The following ELP3 variants were observed in gnomAD, a reference collection of about 807,000 sequenced individuals.
ELP3 encodes elongator acetyltransferase complex subunit 3.
A neutral mutation model predicts 74.9 loss-of-function variants in ELP3; 56 were observed. That is an observed-to-expected ratio of 0.75 (90% CI 0.60 to 0.93). The LOEUF (loss-of-function observed/expected upper bound fraction) is 0.93, where lower values mean the gene tolerates loss of function less well. Among genes scored for constraint, ELP3 ranks in the 40% least tolerant of loss-of-function variants. The pLI, the probability that ELP3 is intolerant of heterozygous loss-of-function variation, is 0.00. For missense variants in ELP3, 573 were observed against 686.5 expected (o/e 0.83, Z 1.85); for synonymous variants, 222 against 239.8 (o/e 0.93, Z 0.68).
At chr8:28,174,752 A>G (rs1162171381) in intron 14 of ELP3, among the ~76,000 whole-genome samples, 1 of 152,146 alleles carries the variant, frequency 6.6e-6, no homozygotes, top group Non-Finnish European at 1.5e-5. Flanking sequence ...ATTTCTTCAT[A>G]TGGTTCCAAG....
intron 3 of ELP3, among the ~76,000 whole-genome samples, chr8:28,103,558 T>G (rs754787988): frequency 6.6e-6 from 1 of 152,218 alleles, no homozygotes; most frequent in Non-Finnish European, 1.5e-5. Context: ...CTTGAGTAAC[T>G]GTCAACAAGT....
At chr8:28,128,032 A>AT (rs1345480034) in intron 7 of ELP3, among the ~76,000 whole-genome samples, 2 of 152,220 alleles carry the variant, frequency 1.3e-5, no homozygotes, top group Admixed American at 6.5e-5. Flanking sequence ...AAATTTTATG[A>AT]TTTTTACTTT....
rs1314570899 is a variant in ELP3, at chr8:28,191,022, ACT to A, written c.*1300_*1301del. The A allele has an allele frequency of 1.3e-5, 2 of 152,012 alleles. No individual in the cohort carries two copies. Among genetic ancestry groups the A allele is most frequent in the African/African-American group, 2.4e-5 (1 of 41,360 alleles). 9.4% of individuals were successfully genotyped at this position (152,012 alleles called of 1,614,324 possible). Reference sequence around the variant, plus strand: ...AATTTCGAGGTAATCTACTTTGGAGACTCTGCCTGGAGAGGGTCAGTTCCTAA... The same window carrying A: ...AATTTCGAGGTAATCTACTTTGGAGACTGCCTGGAGAGGGTCAGTTCCTAA... On this transcript the variant is annotated 3_prime_UTR_variant, in exon 15 of 15. Coordinates refer to ENST00000256398, the MANE Select transcript of ELP3 (RefSeq NM_018091.6).
intron 7 of ELP3, chr8:28,113,594 GA>G (rs1484171369): frequency 2.7e-5 from 4 of 150,390 alleles, no homozygotes; most frequent in African/African-American, 7.4e-5. Context: ...AACTGTTTAT[GA>G]TTGGGATCTT....
intron 12 of ELP3, among the ~76,000 whole-genome samples, chr8:28,159,364 A>G (rs1356954221): frequency 6.6e-6 from 1 of 152,206 alleles, no homozygotes; most frequent in African/African-American, 2.4e-5. Context: ...TTTGAGAGAA[A>G]AAGTAGACCC....
chr8:28,119,322 A>C (rs527939378), intron 7 of ELP3, among the ~76,000 whole-genome samples: 1 of 152,000 alleles, frequency 6.6e-6, no homozygotes, highest in Non-Finnish European at 1.5e-5. Flanking sequence ...TTTAGTGAGC[A>C]TCCACATACC....
At position 28,189,791 on chromosome 8, in the gene ELP3, A is replaced by C; in HGVS notation, c.*66A>C. On this transcript the variant is annotated 3_prime_UTR_variant, in exon 15 of 15. Transcript: ENST00000256398. ...AGAACACGGAGAATCAGGATTTCTTAAATACTCAACAGAGAGGCTGAGCAG... is the reference window on the plus strand; with the variant it reads ...AGAACACGGAGAATCAGGATTTCTTCAATACTCAACAGAGAGGCTGAGCAG... 1 of 1,531,822 alleles carries C rather than the reference A, an allele frequency of 6.5e-7. No individual in the cohort carries two copies. Among genetic ancestry groups the C allele is most frequent in the Non-Finnish European group, 9.0e-7 (1 of 1,106,356 alleles). The allele number at this position is 1,531,822 out of a possible 1,614,324, so 94.9% of individuals were successfully genotyped here. A position where few individuals can be genotyped will look rare whatever the true frequency, so the allele number is the denominator to read the frequency against.
chr8:28,173,330 G>C (rs901471282), intron 14 of ELP3, among the ~76,000 whole-genome samples: 3 of 151,876 alleles, frequency 2.0e-5, no homozygotes, highest in Admixed American at 6.6e-5. Flanking sequence ...CTTTGTTTAT[G>C]AGTCAGTTTT....
At position 28,093,150 on chromosome 8, in the gene ELP3, T is replaced by G; in HGVS notation, c.-65T>G. 6.3e-7 allele frequency: 1 copy of G among 1,598,402 alleles called. No individual in the cohort carries two copies. The highest frequency in any genetic ancestry group is 8.5e-7 in the Non-Finnish European group (1 of 1,174,178). On this transcript the variant is annotated 5_prime_UTR_variant, in exon 1 of 15. Coordinates refer to ENST00000256398, the MANE Select transcript of ELP3 (RefSeq NM_018091.6). ...CGGGATTGTTTTGTGGCTGTCAGCT[T>G]TCCCCGTGGTCTGAGTTTGTGGCTG...
intron 7 of ELP3, among the ~76,000 whole-genome samples, chr8:28,119,698 A>G (rs1036046983): frequency 6.7e-6 from 1 of 149,466 alleles, no homozygotes; most frequent in African/African-American, 2.5e-5. Flanking sequence ...ACAAAGTCCT[A>G]TTAAGATACA....
chr8:28,106,851 T>A, intron 4 of ELP3, 68 bp downstream of exon 4: 1 of 1,178,258 alleles, frequency 8.5e-7, no homozygotes. Flanking sequence ...CCTCTAGCCC[T>A]TAGTCAGTAC....
chr8:28,098,442 T>G (rs1265796193), intron 2 of ELP3, among the ~76,000 whole-genome samples: 1 of 152,220 alleles, frequency 6.6e-6, no homozygotes, highest in Non-Finnish European at 1.5e-5. Context: ...TTATTGTATT[T>G]TACTGATTTT....
At chr8:28,101,313 C>T (rs891187915) in intron 3 of ELP3, among the ~76,000 whole-genome samples, 2 of 151,566 alleles carry the variant, frequency 1.3e-5, no homozygotes, top group African/African-American at 4.8e-5. Context: ...CCAGCTACTC[C>T]AGAGGCTGAG....
intron 10 of ELP3, among the ~76,000 whole-genome samples, chr8:28,143,862 G>GA (rs1455697509): frequency 6.6e-6 from 1 of 152,096 alleles, no homozygotes; most frequent in Non-Finnish European, 1.5e-5. Context: ...GGAACAAGGG[G>GA]AAAATAAATA....
chr8:28,157,290 A>AC (rs1813867729), intron 11 of ELP3, among the ~76,000 whole-genome samples: 1 of 30,582 alleles, frequency 3.3e-5, no homozygotes, highest in Non-Finnish European at 5.5e-5. Flanking sequence ...AAAGCATGCC[A>AC]AAAAAAAAAA....
chr8:28,177,511 C>G (rs1014444321), intron 14 of ELP3, among the ~76,000 whole-genome samples: 2 of 152,172 alleles, frequency 1.3e-5, no homozygotes, highest in African/African-American at 4.8e-5. Flanking sequence ...GCAATTAAAA[C>G]AGTTTAATTT....
intron 6 of ELP3, chr8:28,112,478 G>C (rs1019055639): frequency 1.3e-5 from 2 of 152,064 alleles, no homozygotes; most frequent in African/African-American, 4.8e-5. Context: ...TTAGAAAGCA[G>C]ACTTGAAGTG....
intron 14 of ELP3, among the ~76,000 whole-genome samples, chr8:28,180,507 A>T (rs1420122074): frequency 1.3e-5 from 2 of 152,228 alleles, no homozygotes; most frequent in Non-Finnish European, 2.9e-5. Context: ...GACATTGAAC[A>T]TAGTAAGCAT....
intron 7 of ELP3, among the ~76,000 whole-genome samples, chr8:28,127,215 G>A (rs970375584): frequency 6.6e-6 from 1 of 152,092 alleles, no homozygotes; most frequent in Admixed American, 6.6e-5. Flanking sequence ...GTATGTCCTT[G>A]GTGGGGCCTT....
Sources: allele counts gnomAD v4.1 joint callset (sites outside exome capture counted in the v4.1 genomes callset), GRCh38; gene constraint gnomAD v4.1.1; transcripts MANE v1.5; gene names NCBI Gene and HGNC (gene_info 2026-07-23, HGNC 2026-07-21).